The following WASF1 variants were observed in gnomAD, a reference collection of about 807,000 sequenced individuals.
The protein encoded by WASF1 is actin-binding protein WASF1.
A neutral mutation model predicts 50.5 loss-of-function variants in WASF1; 7 were observed. That is an observed-to-expected ratio of 0.14 (90% CI 0.08 to 0.26). The LOEUF is 0.26. WASF1 is among the 10% of genes least tolerant of loss of function. WASF1 has a pLI of 1.00. For missense variants in WASF1, 470 were observed against 694.7 expected, an observed-to-expected ratio of 0.68 and a Z score of 3.64; for synonymous variants, 205 against 244.0, an observed-to-expected ratio of 0.84 and a Z score of 1.49.
intron 2 of WASF1, among the ~76,000 whole-genome samples, chr6:110,172,675 TCAGAAA>T (rs1164745679): frequency 6.6e-6 from 1 of 152,026 alleles, no homozygotes; most frequent in Non-Finnish European, 1.5e-5. Context: ...GTGAACTAAC[TCAGAAA>T]CAGAAAGTCA....
intron 4 of WASF1, among the ~76,000 whole-genome samples, chr6:110,116,565 T>A (rs1773819372): frequency 6.6e-6 from 1 of 150,926 alleles, no homozygotes; most frequent in East Asian, 1.9e-4. Flanking sequence ...TAAGGTCTAT[T>A]CCCTCTATAA....
intron 3 of WASF1, among the ~76,000 whole-genome samples, chr6:110,151,313 T>G (rs922700085): frequency 3.9e-5 from 6 of 152,182 alleles, no homozygotes; most frequent in African/African-American, 1.4e-4. Context: ...CAAGCAAAAC[T>G]AACCACATTT....
intron 3 of WASF1, among the ~76,000 whole-genome samples, chr6:110,151,218 AT>A (rs1775808826): frequency 6.6e-6 from 1 of 152,170 alleles, no homozygotes; most frequent in Admixed American, 6.5e-5. Flanking sequence ...GAACTAATTT[AT>A]ACCCCCATCA....
At chr6:110,111,213 CAGTTG>C (rs1291171528) in intron 5 of WASF1, among the ~76,000 whole-genome samples, 1 of 151,902 alleles carries the variant, frequency 6.6e-6, no homozygotes, top group Non-Finnish European at 1.5e-5. Flanking sequence ...AAGTGATAAG[CAGTTG>C]AGTTATCTGA....
intron 3 of WASF1, among the ~76,000 whole-genome samples, chr6:110,148,309 T>C (rs1267992031): frequency 6.6e-6 from 1 of 151,924 alleles, no homozygotes; most frequent in Non-Finnish European, 1.5e-5. Context: ...GTGCTAAAGA[T>C]AAAGGGGTGA....
At chr6:110,113,809 T>C (rs2114477782) in intron 4 of WASF1, among the ~76,000 whole-genome samples, 1 of 152,308 alleles carries the variant, frequency 6.6e-6, no homozygotes, top group African/African-American at 2.4e-5. Context: ...TTTAAAGATA[T>C]GAATGCATAA....
chr6:110,118,839 C>T (rs1014575094), intron 4 of WASF1, among the ~76,000 whole-genome samples: 1 of 152,216 alleles, frequency 6.6e-6, no homozygotes, highest in Non-Finnish European at 1.5e-5. Context: ...TCACAACGAA[C>T]TGTCCCTCAG....
At chr6:110,107,481 C>T (rs111230560) in intron 6 of WASF1, among the ~76,000 whole-genome samples, 2,848 of 152,224 alleles carry the variant, frequency 0.019, 42 homozygotes, top group Middle Eastern at 0.034. Context: ...TCTAAAAAGT[C>T]CTTTGGGCAA....
rs550226025 is a variant in WASF1, at chr6:110,178,753, G to A, written c.-271-11C>T. On this transcript the variant is annotated splice_polypyrimidine_tract_variant and intron_variant, in intron 1 of 10. Transcript: ENST00000392589. ...AAGCTAGGGGGCATGCTGTAGCAAG[G>A]GGAAAAGAAAAATGGGAAAGGTGCA... 2 of 152,872 alleles carry A rather than the reference G, an allele frequency of 1.3e-5. No homozygotes were observed. The highest frequency in any genetic ancestry group is 2.4e-5 in the African/African-American group (1 of 41,546). 9.5% of individuals were successfully genotyped at this position (152,872 alleles called of 1,614,324 possible). A position where few individuals can be genotyped will look rare whatever the true frequency, so the allele number is the denominator to read the frequency against.
chr6:110,108,436 A>G, intron 6 of WASF1, 92 bp downstream of exon 6: 2 of 1,345,242 alleles, frequency 1.5e-6, no homozygotes, highest in South Asian at 1.6e-5. Context: ...TGTTGGCTAG[A>G]ACCCCAATGA....
At chr6:110,175,149 A>G (rs1249082329) in intron 2 of WASF1, among the ~76,000 whole-genome samples, 1 of 152,076 alleles carries the variant, frequency 6.6e-6, no homozygotes. Flanking sequence ...TTATATCTTC[A>G]TACTCCCACT....
intron 4 of WASF1, among the ~76,000 whole-genome samples, chr6:110,124,627 C>G (rs899510387): frequency 1.3e-5 from 2 of 152,082 alleles, no homozygotes; most frequent in African/African-American, 4.8e-5. Flanking sequence ...GATGTACTGG[C>G]TGGGTATGGT....
chr6:110,159,893 G>T (rs1584019842), intron 3 of WASF1, among the ~76,000 whole-genome samples: 1 of 151,764 alleles, frequency 6.6e-6, no homozygotes, highest in Non-Finnish European at 1.5e-5. Flanking sequence ...TCGGATTTTG[G>T]AACATTTCAG....
intron 3 of WASF1, among the ~76,000 whole-genome samples, chr6:110,148,040 C>A (rs1008588332): frequency 2.0e-5 from 3 of 152,138 alleles, no homozygotes; most frequent in African/African-American, 7.2e-5. Flanking sequence ...AGCCACTGCA[C>A]CCAACCACCA....
intron 3 of WASF1, among the ~76,000 whole-genome samples, chr6:110,135,420 T>A (rs939046681): frequency 2.4e-4 from 36 of 152,278 alleles, no homozygotes; most frequent in African/African-American, 7.7e-4. Context: ...CCCAAGATTT[T>A]AAAAAAATCA....
intron 3 of WASF1, among the ~76,000 whole-genome samples, chr6:110,147,995 C>T (rs1482972390): frequency 6.6e-6 from 1 of 152,114 alleles, no homozygotes; most frequent in East Asian, 1.9e-4. Flanking sequence ...AATCCTCCTG[C>T]CTTAGCCTTT....
At chr6:110,177,187 C>T (rs1346588558) in intron 2 of WASF1, 3 of 151,920 alleles carry the variant, frequency 2.0e-5, no homozygotes, top group Non-Finnish European at 4.4e-5. Flanking sequence ...ATTGTAACAC[C>T]TGCAAATTTG....
intron 3 of WASF1, among the ~76,000 whole-genome samples, chr6:110,130,515 C>G (rs2114523349): frequency 6.6e-6 from 1 of 152,194 alleles, no homozygotes; most frequent in South Asian, 2.1e-4. Context: ...CTTTTTCATT[C>G]CACATTGTAA....
chr6:110,114,702 T>C (rs78753017), intron 4 of WASF1, among the ~76,000 whole-genome samples: 5,256 of 151,300 alleles, frequency 0.035, 144 homozygotes, highest in South Asian at 0.11. Flanking sequence ...GCCTCAAAAA[T>C]GTCACAAGAG....
Sources: gnomAD v4.1 joint callset for allele counts (sites outside exome capture counted in the v4.1 genomes callset) on GRCh38, gnomAD v4.1.1 for gene constraint, MANE v1.5 for transcripts, NCBI Gene and HGNC (gene_info 2026-07-23, HGNC 2026-07-21) for gene names.